Variants in HS6ST2 observed in about 807,000 individuals in gnomAD.
HS6ST2 encodes heparan-sulfate 6-O-sulfotransferase 2.
In HS6ST2, 17 loss-of-function variants were observed where a neutral mutation model predicts 33.0. That is an observed-to-expected ratio of 0.52 (90% CI 0.35 to 0.77). The LOEUF is 0.77. Ranked by LOEUF, HS6ST2 falls within the 30% of genes least tolerant of loss-of-function variation. The pLI is 0.01. For synonymous variants in HS6ST2, 248 were observed against 237.1 expected, an observed-to-expected ratio of 1.05 and a Z score of -0.42; for missense variants, 519 against 551.7, an observed-to-expected ratio of 0.94 and a Z score of 0.59.
At chrX:132,799,304 G>A (rs779361646) in intron 2 of HS6ST2, among the ~76,000 whole-genome samples, 3 of 110,137 alleles carry the variant, frequency 2.7e-5, no homozygotes, top group African/African-American at 9.9e-5. Context: ...TGATGCCTGG[G>A]TCACTTTATT....
At chrX:132,677,963 C>A (rs1205691432) in intron 3 of HS6ST2, among the ~76,000 whole-genome samples, 1 of 111,937 alleles carries the variant, frequency 8.9e-6, no homozygotes, top group Non-Finnish European at 1.9e-5. Flanking sequence ...TTCTCTAGCT[C>A]CATGTTGTGC....
At chrX:132,832,051 G>A (rs866688084) in intron 2 of HS6ST2, among the ~76,000 whole-genome samples, 5 of 111,308 alleles carry the variant, frequency 4.5e-5, no homozygotes, top group Admixed American at 1.9e-4. Context: ...GGTGAGGCGA[G>A]GAGAGCTAGG....
chrX:132,874,909 AG>A (rs985700907), intron 2 of HS6ST2, among the ~76,000 whole-genome samples: 1 of 111,038 alleles, frequency 9.0e-6, no homozygotes, highest in Admixed American at 9.6e-5. Context: ...CTCCTCTGGA[AG>A]GGGGGGGCGG....
At chrX:132,903,218 C>T (rs1400018451) in intron 2 of HS6ST2, among the ~76,000 whole-genome samples, 2 of 111,384 alleles carry the variant, frequency 1.8e-5, no homozygotes, top group Non-Finnish European at 3.8e-5. Flanking sequence ...AAATTAAATA[C>T]TTAGGAATAA....
intron 4 of HS6ST2, among the ~76,000 whole-genome samples, chrX:132,645,611 T>C (rs1407360635): frequency 1.8e-5 from 2 of 112,183 alleles, no homozygotes; most frequent in African/African-American, 3.2e-5. Flanking sequence ...AGGGAGAACA[T>C]GTCGACCTTC....
At chrX:132,635,183 G>C (rs2063544215) in intron 4 of HS6ST2, among the ~76,000 whole-genome samples, 1 of 111,734 alleles carries the variant, frequency 8.9e-6, no homozygotes, top group African/African-American at 3.3e-5. Flanking sequence ...AGTTGTCCAA[G>C]CAAGAAACCA....
At chrX:132,695,814 C>T (rs2064100316) in intron 3 of HS6ST2, among the ~76,000 whole-genome samples, 1 of 112,056 alleles carries the variant, frequency 8.9e-6, no homozygotes, top group Non-Finnish European at 1.9e-5. Context: ...CCTTTGAAAG[C>T]CTGGTGAACA....
chrX:132,883,727 A>C (rs758605760), intron 2 of HS6ST2, among the ~76,000 whole-genome samples: 1 of 111,265 alleles, frequency 9.0e-6, no homozygotes, highest in Admixed American at 9.6e-5. Context: ...CTCTGTGGCC[A>C]TAAAAGGAGC....
chrX:132,923,708 G>A (rs1376987137), intron 2 of HS6ST2, among the ~76,000 whole-genome samples: 2 of 111,329 alleles, frequency 1.8e-5, no homozygotes, highest in East Asian at 2.8e-4. Context: ...CACCATTAAG[G>A]AGACTGAAGC....
At chrX:132,815,701 T>C (rs2065387538) in intron 2 of HS6ST2, among the ~76,000 whole-genome samples, 1 of 111,846 alleles carries the variant, frequency 8.9e-6, no homozygotes, top group Non-Finnish European at 1.9e-5. Context: ...TGCCTCTCAA[T>C]ATCAACATTC....
chrX:132,943,986 A>G (rs1169678274), intron 2 of HS6ST2, among the ~76,000 whole-genome samples: 2 of 111,341 alleles, frequency 1.8e-5, no homozygotes, highest in African/African-American at 6.5e-5. Flanking sequence ...CCTATTCAAC[A>G]TAGTGTTGGA....
intron 3 of HS6ST2, among the ~76,000 whole-genome samples, chrX:132,707,429 A>G (rs1478609078): frequency 2.7e-5 from 3 of 112,687 alleles, no homozygotes; most frequent in African/African-American, 9.7e-5. Flanking sequence ...TCAGCTGTCA[A>G]GTAAATCCAT....
chrX:132,857,808 T>C (rs2065868339), intron 2 of HS6ST2, among the ~76,000 whole-genome samples: 1 of 111,751 alleles, frequency 8.9e-6, no homozygotes, highest in Admixed American at 9.5e-5. Context: ...TGAAACATAG[T>C]ACAGTCTCAA....
At chrX:132,745,500 A>G (rs2064630601) in intron 2 of HS6ST2, among the ~76,000 whole-genome samples, 1 of 112,426 alleles carries the variant, frequency 8.9e-6, no homozygotes, top group East Asian at 2.8e-4. Context: ...CTTATAAAGC[A>G]TAGTGGGAAG....
In HS6ST2 at chrX:132,800,186, C is replaced by T. The variant is rs765727517; in HGVS notation, c.948-91692G>A. Among the ~76,000 whole-genome samples the T allele has an allele frequency of 7.2e-5, 8 of 111,843 alleles. No homozygotes were observed. In the East Asian group the frequency reaches 2.3e-3, roughly 32 times the overall value. Reference sequence around the variant, plus strand: ...TATCACTTGCATTACTGCCTGAGCTCTGTTCTGCCTCCAGTCAGATCAGTA... The same window carrying T: ...TATCACTTGCATTACTGCCTGAGCTTTGTTCTGCCTCCAGTCAGATCAGTA... On this transcript the variant is annotated intron_variant, in intron 2 of 4. Coordinates refer to ENST00000370833, the MANE Select transcript of HS6ST2 (RefSeq NM_001394073.1).
intron 4 of HS6ST2, among the ~76,000 whole-genome samples, chrX:132,655,490 C>T (rs753597503): frequency 9.0e-6 from 1 of 111,393 alleles, no homozygotes; most frequent in Non-Finnish European, 1.9e-5. Context: ...AACTGAGGCT[C>T]AAAGAGATTA....
rs753861689 is a variant in HS6ST2, at chrX:132,673,811, T to G, written c.981-4612A>C. ...CACCAAGTCGTCATCTTTTGAAAGG[T>G]TTTTCAATCGTGGTTGTTTCCCCAT... is the stretch of plus-strand genomic sequence containing the variant. On this transcript the variant is annotated intron_variant, in intron 3 of 4. Transcript: ENST00000370833. 1.7e-4 allele frequency among the ~76,000 whole-genome samples: 19 copies of G among 111,463 alleles called. No individual in the cohort carries two copies. In the Admixed American group the frequency reaches 1.8e-3, roughly 11 times the overall value.
At chrX:132,899,683 C>T (rs1163656426) in intron 2 of HS6ST2, among the ~76,000 whole-genome samples, 1 of 111,034 alleles carries the variant, frequency 9.0e-6, no homozygotes, top group Non-Finnish European at 1.9e-5. Context: ...CCAAAATATT[C>T]GAAGAAAAAG....
intron 4 of HS6ST2, among the ~76,000 whole-genome samples, chrX:132,635,850 A>G (rs2063548717): frequency 9.0e-6 from 1 of 111,180 alleles, no homozygotes; most frequent in Non-Finnish European, 1.9e-5. Context: ...CAGTGACTCC[A>G]CAGGTGCTTT....
Sources: allele counts gnomAD v4.1 joint callset (sites outside exome capture counted in the v4.1 genomes callset), GRCh38; gene constraint gnomAD v4.1.1; transcripts MANE v1.5; gene names NCBI Gene and HGNC (gene_info 2026-07-23, HGNC 2026-07-21).